Variants in COPG1 observed in about 807,000 individuals in gnomAD.
COPG1 encodes the protein coat protein complex I subunit gamma 1, also known as coatomer subunit gamma-1.
A neutral mutation model predicts 102.8 loss-of-function variants in COPG1; 29 were observed. The ratio of observed to expected loss-of-function variants is 0.28; its 90% CI spans 0.21 to 0.38. The LOEUF (loss-of-function observed/expected upper bound fraction) is 0.38, where lower values mean the gene tolerates loss of function less well. Among genes scored for constraint, COPG1 ranks in the 10% least tolerant of loss-of-function variants. The pLI is 1.00. For missense variants in COPG1, 875 were observed against 1,132.7 expected (o/e 0.77, Z 3.27); for synonymous variants, 406 against 421.6 (o/e 0.96, Z 0.45).
chr3:129,253,466 G>A (rs759374327), intron 5 of COPG1, among the ~76,000 whole-genome samples: 2 of 152,186 alleles, frequency 1.3e-5, no homozygotes, highest in Admixed American at 6.5e-5. Context: ...GTCCCTGTGT[G>A]TAGCTCTGGG....
At chr3:129,255,211 C>A in intron 7 of COPG1, 134 bp downstream of exon 7, 1 of 624,064 alleles carries the variant, frequency 1.6e-6, no homozygotes, top group Non-Finnish European at 2.8e-6. Flanking sequence ...CGGAGTCTCA[C>A]TCTGTCACCC....
At chr3:129,261,855 G>C (rs6439161) in intron 12 of COPG1, among the ~76,000 whole-genome samples, 17,115 of 152,144 alleles carry the variant, frequency 0.11, 2,680 homozygotes, top group African/African-American at 0.35. Flanking sequence ...TTCATAGTCA[G>C]GCCCATTCCT....
In COPG1 at chr3:129,257,800, G is replaced by A. The variant is rs370226896; in HGVS notation, c.811G>A (p.Ala271Thr). ...GCACGAGATGGTGGTGTATGAAGCC[G>A]CCTCGGCCATCGTCAATCTGCCAGG... ...NKHEMVVYEA[A>T]SAIVNLPGCS... Residue 271 changes from alanine to threonine, a missense_variant, in exon 10 of 24, where the codon GCC becomes ACC. By Grantham distance (58) the Ala-to-Thr change is moderately conservative. Transcript: ENST00000314797. The A allele has an allele frequency of 8.7e-6, 14 of 1,614,152 alleles. No individual in the cohort carries two copies. The highest frequency in any genetic ancestry group is 2.2e-5 in the East Asian group (1 of 44,884).
chr3:129,252,152 A>T (rs1939713053), intron 2 of COPG1, 129 bp from the exon 3 acceptor site: 1 of 651,188 alleles, frequency 1.5e-6, no homozygotes, highest in Non-Finnish European at 2.8e-6. Context: ...TTATGAAAAT[A>T]AGCTTGTTGC....
chr3:129,265,416 T>C, intron 13 of COPG1, 133 bp from the exon 14 acceptor site: 3 of 1,069,224 alleles, frequency 2.8e-6, no homozygotes, highest in Non-Finnish European at 4.1e-6. Flanking sequence ...CAGGAAAGAG[T>C]GATAGAGGCC....
chr3:129,270,113 C>T (rs1466457503), intron 18 of COPG1, among the ~76,000 whole-genome samples: 1 of 149,828 alleles, frequency 6.7e-6, no homozygotes, highest in East Asian at 2.0e-4. Context: ...CACTGGCCCC[C>T]CCTGGATAAT....
At position 129,275,917 on chromosome 3, in the gene COPG1, A is replaced by AT. The variant is rs1217036311; in HGVS notation, c.2494+628dup. 2.6e-5 allele frequency among the ~76,000 whole-genome samples: 4 copies of AT among 152,264 alleles called. No homozygotes were observed. In the East Asian group the frequency reaches 7.7e-4, roughly 29 times the overall value. ...TATGGAACAGCCACTACTGATGAAC[A>AT]TTTAGTTTGATTTCAATCTCTTGCT... On this transcript the variant is annotated intron_variant, in intron 23 of 23. Coordinates refer to ENST00000314797, the MANE Select transcript of COPG1 (RefSeq NM_016128.4). This position sits in a 1 kb window ranked among gnomAD's most constrained non-coding sequence, Gnocchi z 5.0.
rs1940171697 is a variant in COPG1, at chr3:129,271,009, T to C, written c.1844-758T>C. On this transcript the variant is annotated intron_variant, in intron 18 of 23. Coordinates refer to ENST00000314797, the MANE Select transcript of COPG1 (RefSeq NM_016128.4). This position sits in a 1 kb window ranked among gnomAD's most constrained non-coding sequence, Gnocchi z 4.7. Reference sequence around the variant, plus strand: ...TGCCGCCAACCCCTAGTAATTCTGATACAGTTGATCCATGGTCATAGTGCG... The same window carrying C: ...TGCCGCCAACCCCTAGTAATTCTGACACAGTTGATCCATGGTCATAGTGCG... 6.6e-6 allele frequency among the ~76,000 whole-genome samples: 1 copy of C among 152,234 alleles called. No individual in the cohort carries two copies. Among genetic ancestry groups the C allele is most frequent in the East Asian group, 1.9e-4 (1 of 5,202 alleles).
At chr3:129,253,059 GCCCACCCCGTGGCAGCTT>G in intron 5 of COPG1, 104 bp downstream of exon 5, 1 of 990,714 alleles carries the variant, frequency 1.0e-6, no homozygotes, top group East Asian at 2.5e-5. Flanking sequence ...ATTGCCAGCT[GCCCACCCCGTGGCAGCTT>G]CCCTGTTACC....
chr3:129,256,237 C>T (rs562459894), intron 8 of COPG1, 83 bp downstream of exon 8: 74 of 1,164,028 alleles, frequency 6.4e-5, no homozygotes, highest in East Asian at 3.4e-4. Context: ...CACTTGCCAC[C>T]GAGATCCTTG....
intron 2 of COPG1, 180 bp downstream of exon 2, chr3:129,250,914 T>A: frequency 8.3e-5 from 3 of 36,160 alleles, no homozygotes; most frequent in Non-Finnish European, 1.4e-4. Context: ...GCTTACTTCT[T>A]TTTTTTTTTT....
Position 129,272,286 on chromosome 3 carries a change from G to A in COPG1, c.2029G>A (p.Val677Ile), listed in dbSNP as rs755324186. Residue 677 changes from valine to isoleucine, a missense_variant, in exon 20 of 24, where the codon GTC becomes ATC. Val to Ile is a conservative substitution (Grantham distance 29). Transcript: ENST00000314797. ...NTLNDQTLEN[V>I]TVQMEPTEAY... ...ACTCAATGACCAGACCTTGGAGAAT[G>A]TCACAGTGCAGATGGAGCCCACTGA... The A allele has an allele frequency of 3.1e-5, 50 of 1,614,006 alleles. No homozygotes were observed. The East Asian group carries it at 5.1e-4, about 17-fold the overall frequency.
chr3:129,264,852 C>G (rs189072000), intron 13 of COPG1, among the ~76,000 whole-genome samples: 1 of 151,182 alleles, frequency 6.6e-6, no homozygotes, highest in African/African-American at 2.4e-5. Context: ...GTAGGAGTCT[C>G]GTTCTGCTGC....
Position 129,260,814 on chromosome 3 carries a change from G to C in COPG1, c.1128+7G>C. On this transcript the variant is annotated splice_region_variant and intron_variant, in intron 12 of 23. Transcript: ENST00000314797. ...AATCTCGGATGAATTCAAGGTACCT[G>C]CTACCCCCAGGACACCCACGGCCCC... 1 of 1,611,520 alleles carries C rather than the reference G, an allele frequency of 6.2e-7. No individual in the cohort carries two copies. Among genetic ancestry groups the C allele is most frequent in the Non-Finnish European group, 8.5e-7 (1 of 1,179,664 alleles).
chr3:129,270,542 G>C (rs1423817635), intron 18 of COPG1, among the ~76,000 whole-genome samples: 1 of 152,186 alleles, frequency 6.6e-6, no homozygotes, highest in Non-Finnish European at 1.5e-5. Flanking sequence ...AAGCACTCTA[G>C]TGGTTGATGG....
chr3:129,260,801 AT>A lies in COPG1; in HGVS notation c.1124del (p.Phe375SerfsTer24). 6.2e-7 allele frequency: 1 copy of A among 1,612,036 alleles called. No homozygotes were observed. Among genetic ancestry groups the A allele is most frequent in the Non-Finnish European group, 8.5e-7 (1 of 1,179,922 alleles). ...SSFMSEISDE[F>X]KVVVVQAISA... ...CCTTCATGTCAGAAATCTCGGATGA[AT>A]TCAAGGTACCTGCTACCCCCAGGAC... On this transcript the variant is annotated frameshift_variant, in exon 12 of 24. Coordinates refer to ENST00000314797, the MANE Select transcript of COPG1 (RefSeq NM_016128.4). LOFTEE classifies it high-confidence loss of function.
Position 129,249,720 on chromosome 3 carries a change from A to C in COPG1, c.11A>C (p.Lys4Thr). The C allele has an allele frequency of 1.9e-6, 3 of 1,551,574 alleles. No individual in the cohort carries two copies. The highest frequency in any genetic ancestry group is 2.6e-6 in the Non-Finnish European group (3 of 1,146,938). The change falls in exon 1 of 24, where the codon AAA becomes ACA. Residue 4 changes from lysine to threonine, a missense_variant. Coordinates refer to ENST00000314797, the MANE Select transcript of COPG1 (RefSeq NM_016128.4). ...CCCACCGACTCCACTATGTTGAAGAAATTCGACAAGAAGGATGAGGAGTCA... is the reference window on the plus strand; with the variant it reads ...CCCACCGACTCCACTATGTTGAAGACATTCGACAAGAAGGATGAGGAGTCA... The part of the protein sequence containing the change: MLK[K>T]FDKKDEESGG...
intron 10 of COPG1, among the ~76,000 whole-genome samples, chr3:129,258,066 T>C (rs1288583628): frequency 2.0e-5 from 3 of 152,216 alleles, no homozygotes; most frequent in Non-Finnish European, 2.9e-5. Context: ...ATCTGACTGC[T>C]GAAGAGGCTG....
intron 5 of COPG1, among the ~76,000 whole-genome samples, chr3:129,253,413 C>T (rs1286554798): frequency 1.3e-5 from 2 of 152,140 alleles, no homozygotes; most frequent in Admixed American, 1.3e-4. Context: ...TTGTGGGGGT[C>T]ATACATTGAT....
Sources: gnomAD v4.1 joint callset for allele counts (sites outside exome capture counted in the v4.1 genomes callset) on GRCh38, gnomAD v4.1.1 for gene constraint, Gnocchi (gnomAD v3.1) non-coding constraint, MANE v1.5 for transcripts, NCBI Gene and HGNC (gene_info 2026-07-23, HGNC 2026-07-21) for gene names.